Variants in ZNF703 observed in about 807,000 individuals in gnomAD.
The protein encoded by ZNF703 is zinc finger protein 703, also known as NocA-like zinc finger 1.
A neutral mutation model predicts 30.7 loss-of-function variants in ZNF703; 18 were observed. That is an observed-to-expected ratio of 0.59 (90% confidence interval 0.40 to 0.87). ZNF703 has a LOEUF of 0.87. ZNF703 is among the 40% of genes least tolerant of loss of function. The probability of loss-of-function intolerance (pLI) is 0.00; values close to 1 mark genes in which losing one functional copy is unlikely to be tolerated. For synonymous variants in ZNF703, 457 were observed against 438.6 expected, an observed-to-expected ratio of 1.04 and a Z score of -0.52; for missense variants, 814 against 847.8, an observed-to-expected ratio of 0.96 and a Z score of 0.50.
chr8:37,697,166 T>C lies in ZNF703; in HGVS notation c.265T>C (p.Leu89=). 6.3e-7 allele frequency: 1 copy of C among 1,583,022 alleles called. No individual in the cohort carries two copies. The highest frequency in any genetic ancestry group is 8.6e-7 in the Non-Finnish European group (1 of 1,167,962). The change falls in exon 2 of 2, where the codon TTG becomes CTG. Residue 89 remains leucine, a synonymous_variant. Transcript: ENST00000331569. ...PIELDAKKSP[L]ALLAQTCSQI... is the part of the protein sequence containing the mutation. Reference sequence around the variant, plus strand: ...ACAGCTGGACGCCAAGAAGAGCCCCTTGGCGCTGCTGGCTCAGACCTGCTC... The same window carrying C: ...ACAGCTGGACGCCAAGAAGAGCCCCCTGGCGCTGCTGGCTCAGACCTGCTC...
rs1802120865 is a variant in ZNF703, at chr8:37,698,775, C to A, written c.*101C>A. On this transcript the variant is annotated 3_prime_UTR_variant, in exon 2 of 2. Coordinates refer to ENST00000331569, the MANE Select transcript of ZNF703 (RefSeq NM_025069.3). ...GCTGCAACCTCCACTACTGCTTGAC[C>A]CTGCCGGGATTCCCCACCCAGCCCT... 1.9e-6 allele frequency: 2 copies of A among 1,076,016 alleles called. No individual in the cohort carries two copies. The highest frequency in any genetic ancestry group is 1.2e-6 in the Non-Finnish European group (1 of 818,858). The allele number at this position is 1,076,016 out of a possible 1,614,324, so 66.7% of individuals were successfully genotyped here.
In ZNF703 at chr8:37,698,745, TCGC is replaced by T; in HGVS notation, c.*75_*77del. ...CCTCCTCCTCCCTCCCCACCTGCCG[TCGC>T]CGCTGCAACCTCCACTACTGCTTGA... On this transcript the variant is annotated 3_prime_UTR_variant, in exon 2 of 2. Transcript: ENST00000331569. The T allele has an allele frequency of 1.5e-6, 2 of 1,293,866 alleles. No individual in the cohort carries two copies. The highest frequency in any genetic ancestry group is 2.0e-6 in the Non-Finnish European group (2 of 1,010,250). 80.1% of individuals were successfully genotyped at this position (1,293,866 alleles called of 1,614,324 possible).
rs1802093058 is a variant in ZNF703, at chr8:37,697,560, G to C, written c.659G>C (p.Gly220Ala). 1 of 1,469,808 alleles carries C rather than the reference G, an allele frequency of 6.8e-7. No individual in the cohort carries two copies. Among genetic ancestry groups the C allele is most frequent in the South Asian group, 1.4e-5 (1 of 73,706 alleles). The allele number at this position is 1,469,808 out of a possible 1,614,324, so 91.0% of individuals were successfully genotyped here. A position where few individuals can be genotyped will look rare whatever the true frequency, so the allele number is the denominator to read the frequency against. ...SASSSSSSPG[G>A]SRGGSPHHSD... The stretch of plus-strand genomic sequence containing the variant: ...TCCTCGTCCTCGTCGTCGCCCGGCG[G>C]CTCCCGCGGCGGCTCCCCGCACCAC... The change falls in exon 2 of 2, where the codon GGC becomes GCC. Residue 220 changes from glycine (G) to alanine (A), a missense_variant. Physicochemically the swap from Gly to Ala is moderately conservative, Grantham distance 60. Coordinates refer to ENST00000331569, the MANE Select transcript of ZNF703 (RefSeq NM_025069.3).
rs1802070969 is a variant in ZNF703, at chr8:37,696,520, C to T, written c.243+298C>T. Among the ~76,000 whole-genome samples the T allele has an allele frequency of 6.6e-6, 1 of 152,128 alleles. No homozygotes were observed. The highest frequency in any genetic ancestry group is 1.5e-5 in the Non-Finnish European group (1 of 68,008). ...TTACTTTTCCTCTGATCCCCAGTTT[C>T]CAGCCAGGAGTTGGTCTCTGCTGGG... is the stretch of plus-strand genomic sequence containing the variant. On this transcript the variant is annotated intron_variant, in intron 1 of 1. Transcript: ENST00000331569. This position sits in a 1 kb window ranked among gnomAD's most constrained non-coding sequence, Gnocchi z 8.2.
At position 37,695,832 on chromosome 8, in the gene ZNF703, G is replaced by C; in HGVS notation, c.-148G>C. 1 of 664,006 alleles carries C rather than the reference G, an allele frequency of 1.5e-6. No individual in the cohort carries two copies. The allele number at this position is 664,006 out of a possible 1,614,324, so 41.1% of individuals were successfully genotyped here. A position where few individuals can be genotyped will look rare whatever the true frequency, so the allele number is the denominator to read the frequency against. On this transcript the variant is annotated 5_prime_UTR_variant, in exon 1 of 2. Coordinates refer to ENST00000331569, the MANE Select transcript of ZNF703 (RefSeq NM_025069.3). ...AGCGGCGGTGGCGGCGGCGGCGGAG[G>C]CGTCGGTGGAGGAGGGGAGGCGGCG...
chr8:37,697,729 C>T lies in ZNF703; in HGVS notation c.828C>T (p.Ala276=), dbSNP rs1802096317. The change falls in exon 2 of 2, where the codon GCC becomes GCT. Residue 276 remains alanine, a synonymous_variant. Transcript: ENST00000331569. ...CGCACGGTGGCGCCGAGTCCGGGGC[C>T]TCCGGGCGCAAGTCCGAGCCGCCCT... ...PGAHGGAESG[A]SGRKSEPPSA... The T allele has an allele frequency of 2.9e-6, 4 of 1,389,542 alleles. No homozygotes were observed. In the Middle Eastern group the frequency reaches 6.7e-4, roughly 232 times the overall value. 86.1% of individuals were successfully genotyped at this position (1,389,542 alleles called of 1,614,324 possible).
In ZNF703 at chr8:37,697,694, G is replaced by A; in HGVS notation, c.793G>A (p.Glu265Lys). 1 of 1,334,842 alleles carries A rather than the reference G, an allele frequency of 7.5e-7. No individual in the cohort carries two copies. Among genetic ancestry groups the A allele is most frequent in the East Asian group, 3.1e-5 (1 of 32,298 alleles). The allele number at this position is 1,334,842 out of a possible 1,614,324, so 82.7% of individuals were successfully genotyped here. A position where few individuals can be genotyped will look rare whatever the true frequency, so the allele number is the denominator to read the frequency against. ...PAAVSRGGGGEPGAHGGAESG... is the reference protein window; with the variant it reads ...PAAVSRGGGGKPGAHGGAESG... ...AGCCGTGAGCCGCGGCGGCGGTGGG[G>A]AGCCCGGGGCGCACGGTGGCGCCGA... Residue 265 changes from glutamate to lysine, a missense_variant, in exon 2 of 2, where the codon GAG becomes AAG. By Grantham distance (56) the Glu-to-Lys change is moderately conservative. Transcript: ENST00000331569.
rs904208867 is a variant in ZNF703, at chr8:37,699,677, A to G, written c.*1003A>G. The G allele has an allele frequency of 1.3e-5, 2 of 152,308 alleles. No individual in the cohort carries two copies. The highest frequency in any genetic ancestry group is 2.9e-5 in the Non-Finnish European group (2 of 68,100). 9.4% of individuals were successfully genotyped at this position (152,308 alleles called of 1,614,324 possible). ...TGTTTTTCTCTCCCTCGTGGGGGCA[A>G]CGACCCCTCCCCTGGCAGTAGGGGT... On this transcript the variant is annotated 3_prime_UTR_variant, in exon 2 of 2. Transcript: ENST00000331569.
At position 37,696,325 on chromosome 8, in the gene ZNF703, A is replaced by G; in HGVS notation, c.243+103A>G. 1 of 1,439,424 alleles carries G rather than the reference A, an allele frequency of 6.9e-7. No homozygotes were observed. Among genetic ancestry groups the G allele is most frequent in the South Asian group, 1.5e-5 (1 of 67,798 alleles). 89.2% of individuals were successfully genotyped at this position (1,439,424 alleles called of 1,614,324 possible). A position where few individuals can be genotyped will look rare whatever the true frequency, so the allele number is the denominator to read the frequency against. On this transcript the variant is annotated intron_variant, in intron 1 of 1. Transcript: ENST00000331569. This position sits in a 1 kb window ranked among gnomAD's most constrained non-coding sequence, Gnocchi z 8.2. Reference sequence around the variant, plus strand: ...GCCCCGGGGCTCGGTGCGACACCCAAGTCTGGTCACGCTGGCGGGCTGAGT... The same window carrying G: ...GCCCCGGGGCTCGGTGCGACACCCAGGTCTGGTCACGCTGGCGGGCTGAGT...
Position 37,696,074 on chromosome 8 carries a change from C to T in ZNF703, c.95C>T (p.Ala32Val), listed in dbSNP as rs1181120005. 1.3e-6 allele frequency: 2 copies of T among 1,565,908 alleles called. No homozygotes were observed. The highest frequency in any genetic ancestry group is 1.2e-5 in the South Asian group (1 of 86,310). The change falls in exon 1 of 2, where the codon GCG becomes GTG. Residue 32 changes from alanine (A) to valine (V), a missense_variant. Physicochemically the swap from Ala to Val is moderately conservative, Grantham distance 64 (BLOSUM62 0). Coordinates refer to ENST00000331569, the MANE Select transcript of ZNF703 (RefSeq NM_025069.3). The surrounding 1 kb of genome is among the most constrained non-coding windows in gnomAD (Gnocchi z 8.2). ...GGGKRPAVPA[A>V]VSLLPPADPL... ...GGGAAGAGGCCGGCGGTGCCGGCAG[C>T]GGTGTCCCTCTTGCCACCGGCGGAC... is the stretch of plus-strand genomic sequence containing the variant.
In ZNF703 at chr8:37,696,820, G is replaced by C. The variant is rs1312438865; in HGVS notation, c.244-325G>C. Among the ~76,000 whole-genome samples the C allele has an allele frequency of 6.6e-6, 1 of 152,204 alleles. No individual in the cohort carries two copies. The highest frequency in any genetic ancestry group is 1.5e-5 in the Non-Finnish European group (1 of 68,036). ...CCAAGCGAAGTTCCCCCAAACTAAA[G>C]GAATAAGTTTTTTCCTGGGCCTGGA... is the stretch of plus-strand genomic sequence containing the variant. On this transcript the variant is annotated intron_variant, in intron 1 of 1. Coordinates refer to ENST00000331569, the MANE Select transcript of ZNF703 (RefSeq NM_025069.3). The surrounding 1 kb of genome is among the most constrained non-coding windows in gnomAD (Gnocchi z 8.2).
At position 37,698,524 on chromosome 8, in the gene ZNF703, C is replaced by T; in HGVS notation, c.1623C>T (p.Gly541=). The change falls in exon 2 of 2, where the codon GGC becomes GGT. Residue 541 remains glycine (G), a synonymous_variant. Transcript: ENST00000331569. ...SLSLRNPHTL[G]LSRYHPYGKS... is the part of the protein sequence containing the mutation. The stretch of plus-strand genomic sequence containing the variant: ...CCTTGCGGAATCCACACACTTTGGG[C>T]CTAAGCCGGTACCACCCCTATGGCA... 1.3e-6 allele frequency: 2 copies of T among 1,573,846 alleles called. No homozygotes were observed. Among genetic ancestry groups the T allele is most frequent in the Non-Finnish European group, 8.6e-7 (1 of 1,163,736 alleles).
chr8:37,695,804 G>A lies in ZNF703; in HGVS notation c.-176G>A, dbSNP rs535108644. 1.7e-4 allele frequency: 88 copies of A among 532,994 alleles called. No individual in the cohort carries two copies. The highest frequency in any genetic ancestry group is 2.5e-4 in the Non-Finnish European group (80 of 324,228). 33.0% of individuals were successfully genotyped at this position (532,994 alleles called of 1,614,324 possible). ...GAAGGTTTTTGTGTTGCTAGCCGGG[G>A]CCAGCGGCGGTGGCGGCGGCGGCGG... On this transcript the variant is annotated 5_prime_UTR_variant, in exon 1 of 2. Coordinates refer to ENST00000331569, the MANE Select transcript of ZNF703 (RefSeq NM_025069.3).
At position 37,696,263 on chromosome 8, in the gene ZNF703, C is replaced by T. The variant is rs1264699492; in HGVS notation, c.243+41C>T. On this transcript the variant is annotated intron_variant, in intron 1 of 1. Coordinates refer to ENST00000331569, the MANE Select transcript of ZNF703 (RefSeq NM_025069.3). The surrounding 1 kb of genome is among the most constrained non-coding windows in gnomAD (Gnocchi z 8.2). ...CTGCCCCCGGGCGCCGGCCCCATTC[C>T]TCCCACCGCGACCGGGACCCTGACC... 1 of 1,538,050 alleles carries T rather than the reference C, an allele frequency of 6.5e-7. No individual in the cohort carries two copies. Among genetic ancestry groups the T allele is most frequent in the African/African-American group, 1.4e-5 (1 of 71,356 alleles).
chr8:37,698,062 C>A lies in ZNF703; in HGVS notation c.1161C>A (p.Gly387=). 1 of 1,509,142 alleles carries A rather than the reference C, an allele frequency of 6.6e-7. No homozygotes were observed. Among genetic ancestry groups the A allele is most frequent in the East Asian group, 2.4e-5 (1 of 42,090 alleles). 93.5% of individuals were successfully genotyped at this position (1,509,142 alleles called of 1,614,324 possible). ...CCTATTGCTTGGGAGGTTACCACGG[C>A]GCCTCGCACCTCGGCGGCTCCAGCT... The part of the protein sequence containing the change: ...RDPYCLGGYH[G]ASHLGGSSCS... Residue 387 remains glycine, a synonymous_variant, in exon 2 of 2, where the codon GGC becomes GGA. Transcript: ENST00000331569.
In ZNF703 at chr8:37,698,467, G is replaced by T. The variant is rs1268354267; in HGVS notation, c.1566G>T (p.Pro522=). 1.2e-5 allele frequency: 17 copies of T among 1,457,480 alleles called. No individual in the cohort carries two copies. Among genetic ancestry groups the T allele is most frequent in the East Asian group, 3.2e-5 (1 of 31,716 alleles). The allele number at this position is 1,457,480 out of a possible 1,614,324, so 90.3% of individuals were successfully genotyped here. Residue 522 remains proline, a synonymous_variant, in exon 2 of 2, where the codon CCG becomes CCT. Coordinates refer to ENST00000331569, the MANE Select transcript of ZNF703 (RefSeq NM_025069.3). ...AAASCHLHLP[P]PAAPGSPGSL... is the part of the protein sequence containing the mutation. ...CCTCCTGCCATCTGCACCTCCCCCC[G>T]CCCGCCGCCCCCGGCAGCCCCGGGT... is the stretch of plus-strand genomic sequence containing the variant.
At position 37,697,279 on chromosome 8, in the gene ZNF703, C is replaced by G. The variant is rs753058728; in HGVS notation, c.378C>G (p.Pro126=). 3.2e-6 allele frequency: 5 copies of G among 1,570,326 alleles called. No homozygotes were observed. In the African/African-American group the frequency reaches 5.5e-5, roughly 17 times the overall value. Reference sequence around the variant, plus strand: ...ACGGGCTGGGAGCGGAGAAGGACCCCGGCCGCTCAGCCCCGGGCGCCGCCT... The same window carrying G: ...ACGGGCTGGGAGCGGAGAAGGACCCGGGCCGCTCAGCCCCGGGCGCCGCCT... ...AANGLGAEKD[P]GRSAPGAASA... Residue 126 remains proline (P), a synonymous_variant, in exon 2 of 2, where the codon CCC becomes CCG. Transcript: ENST00000331569.
Position 37,697,601 on chromosome 8 carries a change from G to A in ZNF703, c.700G>A (p.Gly234Ser). Reference sequence around the variant, plus strand: ...CCCGCACCACTCTGACTGCAAGAACGGCGGCGGGGTTGGCGGCGGGGAGCT... The same window carrying A: ...CCCGCACCACTCTGACTGCAAGAACAGCGGCGGGGTTGGCGGCGGGGAGCT... ...GSPHHSDCKN[G>S]GGVGGGELDK... The change falls in exon 2 of 2, where the codon GGC becomes AGC. Residue 234 changes from glycine (G) to serine (S), a missense_variant. Transcript: ENST00000331569. 1 of 1,421,438 alleles carries A rather than the reference G, an allele frequency of 7.0e-7. No homozygotes were observed. The highest frequency in any genetic ancestry group is 9.1e-7 in the Non-Finnish European group (1 of 1,094,474). The allele number at this position is 1,421,438 out of a possible 1,614,324, so 88.1% of individuals were successfully genotyped here.
chr8:37,696,011 G>C lies in ZNF703; in HGVS notation c.32G>C (p.Arg11Thr). 2 of 1,521,852 alleles carry C rather than the reference G, an allele frequency of 1.3e-6. No homozygotes were observed. The highest frequency in any genetic ancestry group is 5.1e-5 in the East Asian group (2 of 38,904). 94.3% of individuals were successfully genotyped at this position (1,521,852 alleles called of 1,614,324 possible). A position where few individuals can be genotyped will look rare whatever the true frequency, so the allele number is the denominator to read the frequency against. ...GATTCGCCCGCTGGATCTAACCCAAGGACACCCGAAAGCAGCGGCAGCGGC... is the reference window on the plus strand; with the variant it reads ...GATTCGCCCGCTGGATCTAACCCAACGACACCCGAAAGCAGCGGCAGCGGC... Reference protein sequence around the residue: MSDSPAGSNPRTPESSGSGSG... With the variant: MSDSPAGSNPTTPESSGSGSG... Residue 11 changes from arginine to threonine, a missense_variant, in exon 1 of 2, where the codon AGG (arginine) becomes ACG (threonine). Arg to Thr is a moderately conservative substitution (Grantham distance 71). Coordinates refer to ENST00000331569, the MANE Select transcript of ZNF703 (RefSeq NM_025069.3). The surrounding 1 kb of genome is among the most constrained non-coding windows in gnomAD (Gnocchi z 8.2).
Sources: gnomAD v4.1 joint callset for allele counts (sites outside exome capture counted in the v4.1 genomes callset) on GRCh38, gnomAD v4.1.1 for gene constraint, Gnocchi (gnomAD v3.1) non-coding constraint, MANE v1.5 for transcripts, NCBI Gene and HGNC (gene_info 2026-07-23, HGNC 2026-07-21) for gene names.